The following CAGE1 variants were observed in gnomAD, a reference collection of about 807,000 sequenced individuals.
The protein encoded by CAGE1 is cancer-associated gene 1 protein.
CAGE1 carries 66 observed loss-of-function variants against 94.9 expected under a neutral mutation model. The ratio of observed to expected loss-of-function variants is 0.70; its 90% CI spans 0.57 to 0.85. The LOEUF is 0.85. CAGE1 is among the 40% of genes least tolerant of loss of function. The pLI, the probability that CAGE1 is intolerant of heterozygous loss-of-function variation, is 0.00. For synonymous variants in CAGE1, 319 were observed against 321.0 expected (o/e 0.99, Z 0.07); for missense variants, 865 against 950.4 (o/e 0.91, Z 1.18).
chr6:7,339,585 G>A lies in CAGE1; in HGVS notation c.2370-5495C>T, dbSNP rs771487676. 17 of 739,908 alleles carry A rather than the reference G, an allele frequency of 2.3e-5. No individual in the cohort carries two copies. Among genetic ancestry groups the A allele is most frequent in the Middle Eastern group, 3.6e-4 (1 of 2,778 alleles). 45.8% of individuals were successfully genotyped at this position (739,908 alleles called of 1,614,324 possible). On this transcript the variant is annotated intron_variant, in intron 11 of 13. Transcript: ENST00000502583. The surrounding 1 kb of genome is among the most constrained non-coding windows in gnomAD (Gnocchi z 4.7). ...TAAGGCGATCTTGCCGCCATGCTCC[G>A]CTGAAAGGAAAGGCACTGTATCATT...
At position 7,365,515 on chromosome 6, in the gene CAGE1, C is replaced by A. The variant is rs527881100; in HGVS notation, c.2146G>T (p.Ala716Ser). 5.9e-5 allele frequency: 96 copies of A among 1,613,508 alleles called. 2 individuals carry two copies. In the South Asian group the frequency reaches 1.0e-3, roughly 18 times the overall value. Residue 716 changes from alanine (A) to serine (S), a missense_variant, in exon 9 of 14, where the codon GCC (alanine) becomes TCC (serine). Coordinates refer to ENST00000502583, the MANE Select transcript of CAGE1 (RefSeq NM_001170692.2). Reference sequence around the variant, plus strand: ...AGACTGTGGTACTTATCCAGTTTGGCTCCCAGAAGGGTAGGTACATCTCTG... The same window carrying A: ...AGACTGTGGTACTTATCCAGTTTGGATCCCAGAAGGGTAGGTACATCTCTG... ...SIRDVPTLLGAKLDKYHSLNE... is the reference protein window; with the variant it reads ...SIRDVPTLLGSKLDKYHSLNE...
intron 11 of CAGE1, among the ~76,000 whole-genome samples, chr6:7,348,760 A>C (rs1007889965): frequency 1.3e-5 from 2 of 152,208 alleles, no homozygotes; most frequent in African/African-American, 4.8e-5. Context: ...ATAGAAATGC[A>C]AAATGCTCTG....
chr6:7,382,457 A>G (rs552505699), intron 3 of CAGE1, among the ~76,000 whole-genome samples: 2 of 151,876 alleles, frequency 1.3e-5, no homozygotes, highest in South Asian at 2.1e-4. Flanking sequence ...ACGCGCCACT[A>G]TGCCCAGCTA....
intron 9 of CAGE1, among the ~76,000 whole-genome samples, chr6:7,364,598 A>G (rs1055988408): frequency 1.1e-4 from 17 of 152,130 alleles, no homozygotes; most frequent in African/African-American, 3.6e-4. Context: ...CCTCCCAAGT[A>G]GCTGGGATTA....
Position 7,355,025 on chromosome 6 carries a change from C to T in CAGE1, c.2369+16G>A, listed in dbSNP as rs375837687. The T allele has an allele frequency of 1.5e-4, 235 of 1,578,938 alleles. No homozygotes were observed. In the East Asian group the frequency reaches 2.0e-3, roughly 13 times the overall value. On this transcript the variant is annotated intron_variant, in intron 11 of 13. Transcript: ENST00000502583. ...GTAAATATTCACAAAATTAAGGATT[C>T]GTTTTTTCAACTTACTGTGCAATCT...
Position 7,373,854 on chromosome 6 carries a change from C to T in CAGE1, c.965G>A (p.Arg322Gln), listed in dbSNP as rs1051856393. 6.2e-6 allele frequency: 10 copies of T among 1,613,788 alleles called. No individual in the cohort carries two copies. The highest frequency in any genetic ancestry group is 2.2e-5 in the East Asian group (1 of 44,896). ...GTTACTACACTGGAGTTCTTGGATT[C>T]GCACTTCCTGCTTTCTGTTAGTATG... ...LKHTNRKQEVRIQELQCSNLY... is the reference protein window; with the variant it reads ...LKHTNRKQEVQIQELQCSNLY... Residue 322 changes from arginine to glutamine, a missense_variant, in exon 5 of 14, where the codon CGA (arginine) becomes CAA (glutamine). Transcript: ENST00000502583.
At chr6:7,328,918 G>GTA (rs1289027242) in intron 13 of CAGE1, among the ~76,000 whole-genome samples, 1,058 of 43,922 alleles carry the variant, frequency 0.024, 59 homozygotes, top group East Asian at 0.11. Context: ...GTGTGTGTGT[G>GTA]TATATATATA....
At chr6:7,382,141 ATGTGCCTTT>A (rs1760956822) in intron 3 of CAGE1, among the ~76,000 whole-genome samples, 1 of 150,992 alleles carries the variant, frequency 6.6e-6, no homozygotes, top group African/African-American at 2.4e-5. Flanking sequence ...CCCAGCCATT[ATGTGCCTTT>A]TTCTAAGTGA....
At position 7,352,252 on chromosome 6, in the gene CAGE1, G is replaced by C. The variant is rs1368342965; in HGVS notation, c.2369+2789C>G. Among the ~76,000 whole-genome samples the C allele has an allele frequency of 8.2e-5, 8 of 97,108 alleles. No homozygotes were observed. The East Asian group carries it at 2.6e-3, about 32-fold the overall frequency. The allele number at this position is 97,108 out of a possible 152,430, so 63.7% of individuals were successfully genotyped here. On this transcript the variant is annotated intron_variant, in intron 11 of 13. Coordinates refer to ENST00000502583, the MANE Select transcript of CAGE1 (RefSeq NM_001170692.2). The stretch of plus-strand genomic sequence containing the variant: ...TATATACCAACAGCGACCAAGTGGA[G>C]AATCAAATCAAGAACTCAAGCCTTT...
At chr6:7,374,717 G>C (rs1268234350) in intron 4 of CAGE1, among the ~76,000 whole-genome samples, 2 of 152,140 alleles carry the variant, frequency 1.3e-5, no homozygotes, top group Non-Finnish European at 2.9e-5. Context: ...GCTGCCGATA[G>C]AGGTCTCGAG....
rs548998994 is a variant in CAGE1 at position 7,336,171 on chromosome 6, G to C, written c.2370-2081C>G. Among the ~76,000 whole-genome samples the C allele has an allele frequency of 9.2e-5, 14 of 152,308 alleles. No individual in the cohort carries two copies. In the South Asian group the frequency reaches 2.9e-3, roughly 32 times the overall value. The stretch of plus-strand genomic sequence containing the variant: ...GAGTCTATCATGCTTTGTCATCAGA[G>C]AAATAACATGGAATAAATCTTCTGT... On this transcript the variant is annotated intron_variant, in intron 11 of 13. Transcript: ENST00000502583.
chr6:7,362,890 T>C lies in CAGE1; in HGVS notation c.2193+2578A>G, dbSNP rs1459223244. 6.6e-6 allele frequency among the ~76,000 whole-genome samples: 1 copy of C among 152,218 alleles called. No individual in the cohort carries two copies. Among genetic ancestry groups the C allele is most frequent in the Non-Finnish European group, 1.5e-5 (1 of 68,044 alleles). The stretch of plus-strand genomic sequence containing the variant: ...TCCAACCCTGCCCCTACACCTACTA[T>C]GCCACCTTTTTGTTCTCCTGGAGTA... On this transcript the variant is annotated intron_variant, in intron 9 of 13. Coordinates refer to ENST00000502583, the MANE Select transcript of CAGE1 (RefSeq NM_001170692.2). The surrounding 1 kb of genome is among the most constrained non-coding windows in gnomAD (Gnocchi z 4.1).
At chr6:7,350,242 T>C (rs1358161843) in intron 11 of CAGE1, among the ~76,000 whole-genome samples, 3 of 152,010 alleles carry the variant, frequency 2.0e-5, no homozygotes, top group African/African-American at 7.2e-5. Context: ...ACACTGGAGC[T>C]CCCAAATTTA....
chr6:7,333,968 A>G (rs1758862252), intron 12 of CAGE1, 54 bp downstream of exon 12: 2 of 1,190,132 alleles, frequency 1.7e-6, no homozygotes, highest in Admixed American at 2.1e-5. Flanking sequence ...GCACTTGGCC[A>G]TATTACCTAT....
intron 11 of CAGE1, among the ~76,000 whole-genome samples, chr6:7,337,996 A>G (rs958933985): frequency 5.3e-5 from 8 of 152,180 alleles, no homozygotes; most frequent in African/African-American, 1.9e-4. Flanking sequence ...CTTTTTCTCA[A>G]TGATGTTTTG....
chr6:7,344,681 G>A (rs566935427), intron 11 of CAGE1, among the ~76,000 whole-genome samples: 158 of 152,358 alleles, frequency 1.0e-3, no homozygotes, highest in Middle Eastern at 3.4e-3. Context: ...CTGAGCTTCT[G>A]AGTCTGGTGG....
At chr6:7,380,432 T>C (rs1760891762) in intron 3 of CAGE1, among the ~76,000 whole-genome samples, 2 of 152,116 alleles carry the variant, frequency 1.3e-5, no homozygotes, top group South Asian at 2.1e-4. Context: ...AGGTCAGGAA[T>C]TCGAGACCAG....
At chr6:7,378,260 AGAGGGT>A (rs1760821107) in intron 4 of CAGE1, among the ~76,000 whole-genome samples, 2 of 152,220 alleles carry the variant, frequency 1.3e-5, no homozygotes, top group South Asian at 4.1e-4. Flanking sequence ...GTGGTGCATA[AGAGGGT>A]GAGTAAGACA....
intron 12 of CAGE1, among the ~76,000 whole-genome samples, chr6:7,332,720 G>A (rs1283444886): frequency 4.6e-5 from 7 of 152,100 alleles, no homozygotes; most frequent in East Asian, 1.9e-4. Context: ...CTCATGACAC[G>A]ACAGATTCGA....
Sources: allele counts gnomAD v4.1 joint callset (sites outside exome capture counted in the v4.1 genomes callset), GRCh38; gene constraint gnomAD v4.1.1; non-coding constraint Gnocchi (gnomAD v3.1); transcripts MANE v1.5; gene names NCBI Gene and HGNC (gene_info 2026-07-23, HGNC 2026-07-21).